The following DCHS2 variants were observed in gnomAD, a reference collection of about 807,000 sequenced individuals.
The protein encoded by DCHS2 is dachsous cadherin-related 2, also known as protocadherin-23.
A neutral mutation model predicts 182.4 loss-of-function variants in DCHS2; 142 were observed. That is an observed-to-expected ratio of 0.78 (90% CI 0.68 to 0.89). The LOEUF is 0.89. DCHS2 is among the 40% of genes least tolerant of loss of function. The probability of loss-of-function intolerance (pLI) is 0.00; values close to 1 mark genes in which losing one functional copy is unlikely to be tolerated. For missense variants in DCHS2, 4,319 were observed against 4,198.6 expected (o/e 1.03, Z -0.79); for synonymous variants, 1,740 against 1,663.3 (o/e 1.05, Z -1.12).
intron 1 of DCHS2, among the ~76,000 whole-genome samples, chr4:154,437,288 C>T (rs1478710877): frequency 6.6e-6 from 1 of 152,192 alleles, no homozygotes; most frequent in East Asian, 1.9e-4. Context: ...AGAACCACTG[C>T]TTCCATCAAT....
intron 1 of DCHS2, among the ~76,000 whole-genome samples, chr4:154,467,059 G>T (rs908908395): frequency 6.6e-6 from 1 of 152,102 alleles, no homozygotes; most frequent in Non-Finnish European, 1.5e-5. Flanking sequence ...CCTGATTAAA[G>T]AATAATTTGA....
At chr4:154,270,073 A>G in intron 13 of DCHS2, 60 bp from the exon 14 acceptor site, 2 of 1,534,018 alleles carry the variant, frequency 1.3e-6, no homozygotes, top group South Asian at 2.5e-5. Flanking sequence ...TGGAAACACA[A>G]GAGAAAATAC....
At position 154,235,072 on chromosome 4, in the gene DCHS2, C is replaced by T; in HGVS notation, c.9580G>A (p.Glu3194Lys). Residue 3194 changes from glutamate (E) to lysine (K), a missense_variant, in exon 20 of 20, where the codon GAG becomes AAG. Physicochemically the swap from Glu to Lys is moderately conservative, Grantham distance 56. Coordinates refer to ENST00000357232, the MANE Select transcript of DCHS2 (RefSeq NM_001358235.2). ...PQTVQKREAK[E>K]SILADVRKES... is the part of the protein sequence containing the mutation. ...TTTCTAACGTCAGCCAGGATGCTCT[C>T]TTTTGCCTCTCTCTTCTGAACTGTC... The T allele has an allele frequency of 6.2e-7, 1 of 1,613,954 alleles. No individual in the cohort carries two copies. Among genetic ancestry groups the T allele is most frequent in the Non-Finnish European group, 8.5e-7 (1 of 1,179,956 alleles).
chr4:154,365,578 G>A (rs1489737490), intron 3 of DCHS2, among the ~76,000 whole-genome samples: 3 of 151,158 alleles, frequency 2.0e-5, no homozygotes, highest in African/African-American at 4.9e-5. Context: ...TCCTGGCCTC[G>A]AGCCATCCTC....
At chr4:154,395,407 C>A (rs1239809479) in intron 1 of DCHS2, among the ~76,000 whole-genome samples, 1 of 152,142 alleles carries the variant, frequency 6.6e-6, no homozygotes, top group Non-Finnish European at 1.5e-5. Context: ...CCTCTGAATG[C>A]CATCTAGGAG....
At position 154,490,933 on chromosome 4, in the gene DCHS2, G is replaced by A; in HGVS notation, c.423C>T (p.Phe141=). 2.6e-6 allele frequency: 4 copies of A among 1,550,986 alleles called. No homozygotes were observed. Among genetic ancestry groups the A allele is most frequent in the South Asian group, 2.4e-5 (2 of 84,050 alleles). ...CAGCGCCCAGCAGCGTGGCGGCGAC[G>A]AAGCTGTAGTGGTCCCGCCGCTCGC... ...LDRERRDHYS[F]VAATLLGAVV... is the part of the protein sequence containing the mutation. The change falls in exon 1 of 20, where the codon TTC becomes TTT. Residue 141 remains phenylalanine, a synonymous_variant. Coordinates refer to ENST00000357232, the MANE Select transcript of DCHS2 (RefSeq NM_001358235.2).
chr4:154,453,500 T>C (rs1044715477), intron 1 of DCHS2, among the ~76,000 whole-genome samples: 1 of 152,130 alleles, frequency 6.6e-6, no homozygotes, highest in Non-Finnish European at 1.5e-5. Context: ...TGTGGCAGCA[T>C]CCTATCCCCA....
At chr4:154,256,219 T>A (rs1191868505) in intron 15 of DCHS2, among the ~76,000 whole-genome samples, 5 of 152,202 alleles carry the variant, frequency 3.3e-5, no homozygotes, top group Middle Eastern at 3.2e-3. Context: ...GATTCATGGT[T>A]CACTGCAGCC....
intron 1 of DCHS2, among the ~76,000 whole-genome samples, chr4:154,486,184 T>C (rs905910076): frequency 1.1e-4 from 16 of 152,222 alleles, no homozygotes; most frequent in African/African-American, 2.7e-4. Flanking sequence ...CTCAGTTTGC[T>C]AATGGTTCTT....
intron 1 of DCHS2, among the ~76,000 whole-genome samples, chr4:154,485,614 G>A (rs955081311): frequency 1.3e-5 from 2 of 152,216 alleles, no homozygotes; most frequent in Non-Finnish European, 1.5e-5. Flanking sequence ...TTCCTGGCAT[G>A]TAATAGATAT....
rs1050272550 is a variant in DCHS2 at position 154,489,610 on chromosome 4, T to G, written c.1746A>C (p.Gln582His). The change falls in exon 1 of 20, where the codon CAA becomes CAC. Residue 582 changes from glutamine to histidine, a missense_variant. By Grantham distance (24) the Gln-to-His change is conservative. Transcript: ENST00000357232. ...DHAWLRYTVV[Q>H]LSAPCNLGSL... ...AGCCGAGATTGCAGGGAGCCGAGAG[T>G]TGGACTACAGTGTAGCGCAGCCAGG... 4 of 1,549,986 alleles carry G rather than the reference T, an allele frequency of 2.6e-6. No individual in the cohort carries two copies. The African/African-American group carries it at 5.5e-5, about 21-fold the overall frequency.
chr4:154,301,920 GTTA>G (rs1172159394), intron 12 of DCHS2, among the ~76,000 whole-genome samples: 1 of 152,134 alleles, frequency 6.6e-6, no homozygotes, highest in African/African-American at 2.4e-5. Flanking sequence ...TACTTTTTAT[GTTA>G]TTATTGGTCA....
In DCHS2 at chr4:154,371,103, T is replaced by C. The variant is rs183914109; in HGVS notation, c.2245-4662A>G. Among the ~76,000 whole-genome samples, 14 of 151,354 alleles carry C rather than the reference T, an allele frequency of 9.2e-5. No homozygotes were observed. In the East Asian group the frequency reaches 2.3e-3, roughly 25 times the overall value. ...TCAGGGTGCTGGGTTGTTCAGCAAA[T>C]GATAGTAAAGTCTCCCAGAATGATG... On this transcript the variant is annotated intron_variant, in intron 2 of 19. Coordinates refer to ENST00000357232, the MANE Select transcript of DCHS2 (RefSeq NM_001358235.2).
chr4:154,379,194 G>A (rs1731058292), intron 1 of DCHS2, among the ~76,000 whole-genome samples: 2 of 152,200 alleles, frequency 1.3e-5, no homozygotes, highest in East Asian at 1.9e-4. Flanking sequence ...CAAAGGAGCA[G>A]CTATTTCTTT....
At chr4:154,374,097 G>A in intron 2 of DCHS2, 1 of 686,678 alleles carries the variant, frequency 1.5e-6, no homozygotes, top group East Asian at 2.8e-5. Context: ...AATTCCCAAT[G>A]CACTTCTGGA....
At chr4:154,343,609 A>AT (rs760866021) in intron 3 of DCHS2, 54 of 1,510,708 alleles carry the variant, frequency 3.6e-5, no homozygotes, top group South Asian at 1.6e-4. Context: ...CTAGCTTCAA[A>AT]TTTTTTTTCT....
Position 154,235,252 on chromosome 4 carries a change from C to T in DCHS2, c.9400G>A (p.Gly3134Ser), listed in dbSNP as rs1286477969. 10 of 1,613,920 alleles carry T rather than the reference C, an allele frequency of 6.2e-6. No individual in the cohort carries two copies. Among genetic ancestry groups the T allele is most frequent in the African/African-American group, 1.3e-5 (1 of 74,926 alleles). The change falls in exon 20 of 20, where the codon GGT becomes AGT. Residue 3134 changes from glycine to serine, a missense_variant. Physicochemically the swap from Gly to Ser is moderately conservative, Grantham distance 56. Coordinates refer to ENST00000357232, the MANE Select transcript of DCHS2 (RefSeq NM_001358235.2). ...AGCTGGTCTGAGTCCCTCGGGATAC[C>T]CGAGTCTGGCACCCTGGACTCGTGG... is the stretch of plus-strand genomic sequence containing the variant. Reference protein sequence around the residue: ...SDHESRVPDSGIPRDSDQLSC... With the variant: ...SDHESRVPDSSIPRDSDQLSC...
chr4:154,381,521 T>C (rs1029914935), intron 1 of DCHS2, among the ~76,000 whole-genome samples: 1 of 152,116 alleles, frequency 6.6e-6, no homozygotes, highest in African/African-American at 2.4e-5. Context: ...AATATAATTC[T>C]ATAGCTAGAG....
intron 16 of DCHS2, among the ~76,000 whole-genome samples, chr4:154,251,696 T>G (rs1732369030): frequency 6.6e-6 from 1 of 152,094 alleles, no homozygotes; most frequent in East Asian, 1.9e-4. Flanking sequence ...TTTTTGAACT[T>G]TTAGTTGAGA....
Sources: gnomAD v4.1 joint callset for allele counts (sites outside exome capture counted in the v4.1 genomes callset) on GRCh38, gnomAD v4.1.1 for gene constraint, MANE v1.5 for transcripts, NCBI Gene and HGNC (gene_info 2026-07-23, HGNC 2026-07-21) for gene names.